The following PDE8A variants were observed in gnomAD, a reference collection of about 807,000 sequenced individuals.
The protein encoded by PDE8A is phosphodiesterase 8A.
A neutral mutation model predicts 105.0 loss-of-function variants in PDE8A; 59 were observed. The observed-to-expected ratio is 0.56, with a 90% CI of 0.46 to 0.70. PDE8A has a LOEUF of 0.70. Ranked by LOEUF, PDE8A falls within the 30% of genes least tolerant of loss-of-function variation. PDE8A has a pLI of 0.00. For synonymous variants in PDE8A, 355 were observed against 371.9 expected, an observed-to-expected ratio of 0.95 and a Z score of 0.52; for missense variants, 1,014 against 1,045.9, an observed-to-expected ratio of 0.97 and a Z score of 0.42.
chr15:85,004,046 G>T (rs1260858856), intron 1 of PDE8A, among the ~76,000 whole-genome samples: 1 of 152,192 alleles, frequency 6.6e-6, no homozygotes. Context: ...CTTTCCATTG[G>T]CCACATGGCC....
At chr15:85,016,206 A>G (rs2080322423) in intron 1 of PDE8A, among the ~76,000 whole-genome samples, 1 of 152,192 alleles carries the variant, frequency 6.6e-6, no homozygotes, top group Non-Finnish European at 1.5e-5. Context: ...TTATGTAATT[A>G]ATTCTAACAA....
At chr15:85,016,964 T>TA (rs1567230738) in intron 1 of PDE8A, among the ~76,000 whole-genome samples, 1 of 151,674 alleles carries the variant, frequency 6.6e-6, no homozygotes, top group Non-Finnish European at 1.5e-5. Context: ...TTTTTTTTTT[T>TA]AATAAATGAA....
At chr15:85,008,325 A>G (rs764935042) in intron 1 of PDE8A, among the ~76,000 whole-genome samples, 3 of 151,922 alleles carry the variant, frequency 2.0e-5, no homozygotes, top group African/African-American at 7.3e-5. Flanking sequence ...ATTTGCTTCA[A>G]TATATTTTCA....
intron 1 of PDE8A, among the ~76,000 whole-genome samples, chr15:85,001,851 C>A (rs1483856336): frequency 6.6e-6 from 1 of 152,200 alleles, no homozygotes; most frequent in Non-Finnish European, 1.5e-5. Flanking sequence ...ATAAAGCTGT[C>A]ATGTATTGAC....
intron 1 of PDE8A, among the ~76,000 whole-genome samples, chr15:85,017,325 T>C (rs2080342719): frequency 6.6e-6 from 1 of 152,176 alleles, no homozygotes; most frequent in Admixed American, 6.5e-5. Flanking sequence ...TATAGCCTGC[T>C]AAGTTCTCTG....
chr15:85,059,395 G>C (rs2081110654), intron 1 of PDE8A, among the ~76,000 whole-genome samples: 1 of 152,146 alleles, frequency 6.6e-6, no homozygotes, highest in Non-Finnish European at 1.5e-5. Flanking sequence ...TTATTGTGTT[G>C]CTTAAGTCTA....
chr15:85,126,424 C>T (rs771151767), intron 20 of PDE8A, 50 bp downstream of exon 20: 1 of 1,273,444 alleles, frequency 7.9e-7, no homozygotes. Context: ...AGTTAAAACC[C>T]ATAAAATCAT....
rs1211454271 is a variant in PDE8A, at chr15:84,981,917, T to C, written c.-246T>C. 8.0e-6 allele frequency: 2 copies of C among 248,494 alleles called. No individual in the cohort carries two copies. Among genetic ancestry groups the C allele is most frequent in the Admixed American group, 1.1e-4 (2 of 18,072 alleles). The allele number at this position is 248,494 out of a possible 1,614,324, so 15.4% of individuals were successfully genotyped here. The stretch of plus-strand genomic sequence containing the variant: ...GTCGGCTCCTGCCTCAGGAAGGGCA[T>C]GTTCGGAGGGGCGGCCTCGGCACGC... On this transcript the variant is annotated 5_prime_UTR_variant, in exon 1 of 22. An upstream start codon of the reference 5' UTR is lost. Transcript: ENST00000394553.
intron 1 of PDE8A, among the ~76,000 whole-genome samples, chr15:85,018,510 C>G (rs1336161159): frequency 1.3e-5 from 2 of 152,194 alleles, no homozygotes; most frequent in Non-Finnish European, 2.9e-5. Context: ...TTTAACCAGT[C>G]TCTTACTATT....
At chr15:85,083,861 C>T (rs1254792140) in intron 6 of PDE8A, among the ~76,000 whole-genome samples, 1 of 152,078 alleles carries the variant, frequency 6.6e-6, no homozygotes, top group African/African-American at 2.4e-5. Flanking sequence ...AAAGATGGAG[C>T]CCCCAAATAA....
intron 3 of PDE8A, among the ~76,000 whole-genome samples, chr15:85,070,486 C>G (rs1288685253): frequency 1.3e-5 from 2 of 152,076 alleles, no homozygotes; most frequent in Non-Finnish European, 2.9e-5. Flanking sequence ...GAGGTTTACG[C>G]AGAGTGTTGT....
Position 85,117,850 on chromosome 15 carries a change from GT to G in PDE8A, c.1734+14del, listed in dbSNP as rs2082121148. 2.5e-6 allele frequency: 4 copies of G among 1,604,008 alleles called. No individual in the cohort carries two copies. Among genetic ancestry groups the G allele is most frequent in the Non-Finnish European group, 3.4e-6 (4 of 1,171,246 alleles). On this transcript the variant is annotated intron_variant, in intron 17 of 21. Coordinates refer to ENST00000394553, the MANE Select transcript of PDE8A (RefSeq NM_002605.3). ...AAGGAGAGGATAAAGGTGAGCTGTT[GT>G]TTACCTGCCACATTTAATGGGCAGG...
chr15:85,135,498 C>T (rs1405066822), intron 20 of PDE8A, among the ~76,000 whole-genome samples: 2 of 152,070 alleles, frequency 1.3e-5, no homozygotes, highest in African/African-American at 4.8e-5. Flanking sequence ...AAGAGCTGCT[C>T]CCCCCAGCCC....
At chr15:85,099,297 GGCGCAGCCA>G (rs1259756484) in intron 9 of PDE8A, among the ~76,000 whole-genome samples, 1 of 152,228 alleles carries the variant, frequency 6.6e-6, no homozygotes, top group Non-Finnish European at 1.5e-5. Flanking sequence ...GCCAGCGTGA[GGCGCAGCCA>G]GGCTGCAGAC....
At chr15:85,076,000 A>T (rs1252736065) in intron 4 of PDE8A, 82 bp downstream of exon 4, 4 of 755,022 alleles carry the variant, frequency 5.3e-6, no homozygotes, top group Non-Finnish European at 9.2e-6. Flanking sequence ...AACAGCTTGC[A>T]TGCTGTGTCA....
chr15:84,993,279 T>TA (rs1175269156), intron 1 of PDE8A, among the ~76,000 whole-genome samples: 2 of 151,484 alleles, frequency 1.3e-5, no homozygotes, highest in South Asian at 2.1e-4. Flanking sequence ...CCGTCTCTTC[T>TA]AAAAATACAA....
At chr15:85,103,250 A>C (rs1386978405) in intron 11 of PDE8A, among the ~76,000 whole-genome samples, 1 of 152,192 alleles carries the variant, frequency 6.6e-6, no homozygotes, top group African/African-American at 2.4e-5. Flanking sequence ...GACAGCCTAG[A>C]GTTGGGCAGC....
At chr15:85,080,564 A>T (rs1555475427) in intron 5 of PDE8A, among the ~76,000 whole-genome samples, 1 of 152,106 alleles carries the variant, frequency 6.6e-6, no homozygotes, top group Non-Finnish European at 1.5e-5. Flanking sequence ...TGTTTGTTTG[A>T]GGTCTCTTTG....
chr15:85,030,534 A>T (rs751691211), intron 1 of PDE8A, among the ~76,000 whole-genome samples: 2 of 152,152 alleles, frequency 1.3e-5, no homozygotes, highest in Non-Finnish European at 2.9e-5. Flanking sequence ...GTTCCTGGGC[A>T]CTTAAGTGCT....
Sources: allele counts gnomAD v4.1 joint callset (sites outside exome capture counted in the v4.1 genomes callset), GRCh38; gene constraint gnomAD v4.1.1; transcripts MANE v1.5; gene names NCBI Gene and HGNC (gene_info 2026-07-23, HGNC 2026-07-21).